Variants in TMEM259 observed in about 807,000 individuals in gnomAD.
TMEM259 encodes the protein transmembrane protein 259.
In TMEM259, 26 loss-of-function variants were observed where a neutral mutation model predicts 46.7. That is an observed-to-expected ratio of 0.56 (90% CI 0.41 to 0.77). TMEM259 has a LOEUF of 0.77. Ranked by LOEUF, TMEM259 falls within the 30% of genes least tolerant of loss-of-function variation. TMEM259 has a pLI of 0.00. For synonymous variants in TMEM259, 494 were observed against 395.1 expected (o/e 1.25, Z -2.97); for missense variants, 930 against 900.5 (o/e 1.03, Z -0.42).
At chr19:1,015,108 G>A (rs1001085250) in intron 1 of TMEM259, among the ~76,000 whole-genome samples, 16 of 152,324 alleles carry the variant, frequency 1.1e-4, no homozygotes, top group South Asian at 2.1e-4. Flanking sequence ...CTCACCTGGC[G>A]GGGCGCCCTG....
Position 1,014,257 on chromosome 19 carries a change from G to C in TMEM259, c.442C>G (p.Leu148Val), listed in dbSNP as rs766043802. The C allele has an allele frequency of 3.7e-6, 6 of 1,613,248 alleles. No individual in the cohort carries two copies. The highest frequency in any genetic ancestry group is 5.1e-6 in the Non-Finnish European group (6 of 1,179,790). Reference protein sequence around the residue: ...PGLAVEPGSNLDMEDEEEEEL... With the variant: ...PGLAVEPGSNVDMEDEEEEEL... ...TCCTCCTCCTCATCTTCCATGTCCA[G>C]GTTGCTGCCTGGTTCCACGGCCAGG... The change falls in exon 2 of 11, where the codon CTG becomes GTG. Residue 148 changes from leucine to valine, a missense_variant. Coordinates refer to ENST00000356663, the MANE Select transcript of TMEM259 (RefSeq NM_001033026.2).
In TMEM259 at chr19:1,010,250, G is replaced by C; in HGVS notation, c.*100C>G. 1 of 1,138,250 alleles carries C rather than the reference G, an allele frequency of 8.8e-7. No individual in the cohort carries two copies. Among genetic ancestry groups the C allele is most frequent in the Admixed American group, 3.5e-5 (1 of 28,354 alleles). 70.5% of individuals were successfully genotyped at this position (1,138,250 alleles called of 1,614,324 possible). ...CCTGAAAGCCCCCGACACAGGCTGGGCAGTCCCAGAGGAAGGAGGTGGCTG... is the reference window on the plus strand; with the variant it reads ...CCTGAAAGCCCCCGACACAGGCTGGCCAGTCCCAGAGGAAGGAGGTGGCTG... On this transcript the variant is annotated 3_prime_UTR_variant, in exon 11 of 11. Coordinates refer to ENST00000356663, the MANE Select transcript of TMEM259 (RefSeq NM_001033026.2).
rs142362585 is a variant in TMEM259 at position 1,010,282 on chromosome 19, C to G, written c.*68G>C. 10,053 of 1,350,614 alleles carry G rather than the reference C, an allele frequency of 7.4e-3. 113 individuals carry two copies. The highest frequency in any genetic ancestry group is 0.066 in the East Asian group (2,317 of 35,200). The allele number at this position is 1,350,614 out of a possible 1,614,324, so 83.7% of individuals were successfully genotyped here. On this transcript the variant is annotated 3_prime_UTR_variant, in exon 11 of 11. Transcript: ENST00000356663. ...CAGAGGAAGGAGGTGGCTGGCCTCC[C>G]CCACCCCCACGGGCTCGGGAAGGTC...
intron 1 of TMEM259, among the ~76,000 whole-genome samples, chr19:1,019,377 C>T (rs2039213222): frequency 6.6e-6 from 1 of 152,242 alleles, no homozygotes; most frequent in Non-Finnish European, 1.5e-5. Flanking sequence ...CACAGACCAG[C>T]CTCCGTCCAC....
At position 1,013,317 on chromosome 19, in the gene TMEM259, C is replaced by G. The variant is rs748644210; in HGVS notation, c.531G>C (p.Lys177Asn). The change falls in exon 3 of 11, where the codon AAG becomes AAC. Residue 177 changes from lysine to asparagine, a missense_variant. Physicochemically the swap from Lys to Asn is moderately conservative, Grantham distance 94 (BLOSUM62 0). Transcript: ENST00000356663. ...CTGTGCTACTCGGCGGCTTGAACAC[C>G]TTGGGCTCGATGTCCAGCTCAAACT... is the stretch of plus-strand genomic sequence containing the variant. ...SIKFELDIEP[K>N]VFKPPSSTEA... 1 of 1,613,722 alleles carries G rather than the reference C, an allele frequency of 6.2e-7. No individual in the cohort carries two copies. The highest frequency in any genetic ancestry group is 1.1e-5 in the South Asian group (1 of 91,086).
rs746698506 is a variant in TMEM259, at chr19:1,011,900, C to A, written c.934G>T (p.Val312Phe). 6 of 1,609,406 alleles carry A rather than the reference C, an allele frequency of 3.7e-6. No individual in the cohort carries two copies. Among genetic ancestry groups the A allele is most frequent in the Non-Finnish European group, 3.4e-6 (4 of 1,177,746 alleles). ...CGCCCCGAGGCACTCACGAAGATGA[C>A]CATGATGGCGAAGGCGGCCAGGTAG... ...TSYLAAFAIM[V>F]IFTLSVSMLL... Residue 312 changes from valine to phenylalanine, a missense_variant, in exon 6 of 11, where the codon GTC becomes TTC. Val to Phe is a conservative substitution (Grantham distance 50). Transcript: ENST00000356663.
At position 1,021,037 on chromosome 19, in the gene TMEM259, G is replaced by A; in HGVS notation, c.-41C>T. On this transcript the variant is annotated 5_prime_UTR_variant, in exon 1 of 11. Coordinates refer to ENST00000356663, the MANE Select transcript of TMEM259 (RefSeq NM_001033026.2). Reference sequence around the variant, plus strand: ...GCCCTAACGACCCGCAAGTGTCCGAGGGCGCCTCCCGGCCGCCATCGGCCG... The same window carrying A: ...GCCCTAACGACCCGCAAGTGTCCGAAGGCGCCTCCCGGCCGCCATCGGCCG... 1 of 1,324,464 alleles carries A rather than the reference G, an allele frequency of 7.6e-7. No homozygotes were observed. The highest frequency in any genetic ancestry group is 9.7e-7 in the Non-Finnish European group (1 of 1,027,172). 82.0% of individuals were successfully genotyped at this position (1,324,464 alleles called of 1,614,324 possible). A position where few individuals can be genotyped will look rare whatever the true frequency, so the allele number is the denominator to read the frequency against.
At position 1,021,114 on chromosome 19, in the gene TMEM259, C is replaced by G; in HGVS notation, c.-118G>C. On this transcript the variant is annotated 5_prime_UTR_variant, in exon 1 of 11. Coordinates refer to ENST00000356663, the MANE Select transcript of TMEM259 (RefSeq NM_001033026.2). ...GCCTCCCGGCCGCCGCCGCCATCTT[C>G]CGCTTTCTCGTCCGGCTGCGGCGCT... 3 of 1,134,758 alleles carry G rather than the reference C, an allele frequency of 2.6e-6. No homozygotes were observed. Among genetic ancestry groups the G allele is most frequent in the Non-Finnish European group, 2.2e-6 (2 of 901,234 alleles). 70.3% of individuals were successfully genotyped at this position (1,134,758 alleles called of 1,614,324 possible). A position where few individuals can be genotyped will look rare whatever the true frequency, so the allele number is the denominator to read the frequency against.
intron 2 of TMEM259, 173 bp from the exon 3 acceptor site, chr19:1,013,513 C>A: frequency 1.7e-6 from 1 of 600,320 alleles, no homozygotes; most frequent in Admixed American, 2.9e-5. Flanking sequence ...GACCCCACCT[C>A]AACACCAAGC....
Position 1,012,565 on chromosome 19 carries a change from G to T in TMEM259, c.616C>A (p.Gln206Lys), listed in dbSNP as rs749131136. Reference protein sequence around the residue: ...FPETPTKVWPQDEYIVEYSLE... With the variant: ...FPETPTKVWPKDEYIVEYSLE... ...GAGTACTCCACGATGTACTCGTCCTGCGGCCACACTGCAGGGCAGAACCAG... is the reference window on the plus strand; with the variant it reads ...GAGTACTCCACGATGTACTCGTCCTTCGGCCACACTGCAGGGCAGAACCAG... The change falls in exon 4 of 11, where the codon CAG becomes AAG. Residue 206 changes from glutamine (Q) to lysine (K), a missense_variant. By Grantham distance (53) the Gln-to-Lys change is moderately conservative. Coordinates refer to ENST00000356663, the MANE Select transcript of TMEM259 (RefSeq NM_001033026.2). 25 of 1,583,204 alleles carry T rather than the reference G, an allele frequency of 1.6e-5. No individual in the cohort carries two copies. Among genetic ancestry groups the T allele is most frequent in the Non-Finnish European group, 2.1e-5 (24 of 1,165,624 alleles).
intron 1 of TMEM259, among the ~76,000 whole-genome samples, chr19:1,019,190 C>T (rs2039205896): frequency 6.6e-6 from 1 of 152,162 alleles, no homozygotes; most frequent in Non-Finnish European, 1.5e-5. Context: ...GGCTTGATCC[C>T]TTTCCAAACC....
chr19:1,015,868 T>C (rs2039090457), intron 1 of TMEM259, among the ~76,000 whole-genome samples: 1 of 152,098 alleles, frequency 6.6e-6, no homozygotes, highest in South Asian at 2.1e-4. Flanking sequence ...GAACCCTCTG[T>C]AGACTGAGCA....
In TMEM259 at chr19:1,020,837, C is replaced by T; in HGVS notation, c.160G>A (p.Val54Ile). The T allele has an allele frequency of 2.9e-6, 4 of 1,378,280 alleles. No individual in the cohort carries two copies. The highest frequency in any genetic ancestry group is 1.9e-6 in the Non-Finnish European group (2 of 1,059,720). The allele number at this position is 1,378,280 out of a possible 1,614,324, so 85.4% of individuals were successfully genotyped here. ...LFHALFFKMA[V>I]TYSRLFPPAF... The stretch of plus-strand genomic sequence containing the variant: ...GGCGGGAAGAGCCGCGAATAGGTGA[C>T]AGCCATCTTGAAGAACAGCGCGTGG... Residue 54 changes from valine to isoleucine, a missense_variant, in exon 1 of 11, where the codon GTC becomes ATC. Val to Ile is a conservative substitution (Grantham distance 29). Coordinates refer to ENST00000356663, the MANE Select transcript of TMEM259 (RefSeq NM_001033026.2). This position sits in a 1 kb window ranked among gnomAD's most constrained non-coding sequence, Gnocchi z 4.0.
chr19:1,018,491 T>C (rs930310283), intron 1 of TMEM259, among the ~76,000 whole-genome samples: 8 of 152,016 alleles, frequency 5.3e-5, no homozygotes, highest in African/African-American at 1.9e-4. Context: ...CTTGAAGGGA[T>C]CATACCAGGG....
intron 4 of TMEM259, 136 bp downstream of exon 4, chr19:1,012,327 C>G: frequency 2.0e-6 from 3 of 1,497,128 alleles, no homozygotes; most frequent in Non-Finnish European, 2.7e-6. Flanking sequence ...GACCCCAGCC[C>G]TGGGAAGCGT....
intron 1 of TMEM259, chr19:1,017,280 T>C (rs1450874329): frequency 2.0e-5 from 8 of 399,904 alleles, no homozygotes; most frequent in Non-Finnish European, 3.1e-5. Flanking sequence ...GGAGCTCACC[T>C]GCAAATGCTC....
Position 1,011,404 on chromosome 19 carries a change from A to C in TMEM259, c.1180T>G (p.Cys394Gly). Reference sequence around the variant, plus strand: ...CGCTTGCTGGTGCTGGTGTGGCAGCAGATGGCGTCATACTGGTCCGCGAGC... The same window carrying C: ...CGCTTGCTGGTGCTGGTGTGGCAGCCGATGGCGTCATACTGGTCCGCGAGC... ...VWLADQYDAI[C>G]CHTSTSKRHW... Residue 394 changes from cysteine (C) to glycine (G), a missense_variant, in exon 9 of 11, where the codon TGC becomes GGC. Cys to Gly is a radical substitution (Grantham distance 159, BLOSUM62 -3). Transcript: ENST00000356663. 6.4e-7 allele frequency: 1 copy of C among 1,565,180 alleles called. No homozygotes were observed. The highest frequency in any genetic ancestry group is 8.6e-7 in the Non-Finnish European group (1 of 1,157,664).
chr19:1,016,158 C>T (rs1351226154), intron 1 of TMEM259, among the ~76,000 whole-genome samples: 3 of 152,036 alleles, frequency 2.0e-5, no homozygotes, highest in African/African-American at 7.2e-5. Flanking sequence ...GACCGCCAGG[C>T]ATTCAGGCCC....
At chr19:1,014,790 C>T (rs557516719) in intron 1 of TMEM259, among the ~76,000 whole-genome samples, 2 of 152,322 alleles carry the variant, frequency 1.3e-5, no homozygotes, top group Admixed American at 1.3e-4. Context: ...CCCGCACCTC[C>T]TCAGGGGTGA....
Sources: allele counts gnomAD v4.1 joint callset (sites outside exome capture counted in the v4.1 genomes callset), GRCh38; gene constraint gnomAD v4.1.1; non-coding constraint Gnocchi (gnomAD v3.1); transcripts MANE v1.5; gene names NCBI Gene and HGNC (gene_info 2026-07-23, HGNC 2026-07-21).